Variants in CYP46A1 observed in about 807,000 individuals in gnomAD.
CYP46A1 encodes the protein cytochrome P450 family 46 subfamily A member 1.
CYP46A1 carries 20 observed loss-of-function variants against 63.3 expected under a neutral mutation model. That is an observed-to-expected ratio of 0.32 (90% confidence interval 0.22 to 0.46). The LOEUF (loss-of-function observed/expected upper bound fraction) is 0.46. Ranked by LOEUF, CYP46A1 falls within the 20% of genes least tolerant of loss-of-function variation. The probability of loss-of-function intolerance (pLI) is 1.00; values close to 1 mark genes in which losing one functional copy is unlikely to be tolerated. For synonymous variants in CYP46A1, 268 were observed against 273.6 expected (o/e 0.98, Z 0.20); for missense variants, 445 against 670.8 (o/e 0.66, Z 3.72).
At chr14:99,724,560 C>G (rs2056877727) in intron 12 of CYP46A1, among the ~76,000 whole-genome samples, 1 of 152,222 alleles carries the variant, frequency 6.6e-6, no homozygotes, top group South Asian at 2.1e-4. Flanking sequence ...GGCTCCAACC[C>G]CACCTCTGCT....
intron 5 of CYP46A1, among the ~76,000 whole-genome samples, chr14:99,701,824 C>T (rs1340569652): frequency 6.6e-6 from 1 of 152,174 alleles, no homozygotes; most frequent in African/African-American, 2.4e-5. Flanking sequence ...AATCCCAGCA[C>T]TTTGGGGGGC....
Position 99,721,331 on chromosome 14 carries a change from A to T in CYP46A1, c.1065+8A>T. On this transcript the variant is annotated splice_region_variant and intron_variant, in intron 11 of 14. Coordinates refer to ENST00000261835, the MANE Select transcript of CYP46A1 (RefSeq NM_006668.2). ...CTGCAGTACCTGTCCCAGGTGTGGG[A>T]AGTAGGAGGGAAGCTTCTGGGCGGA... The T allele has an allele frequency of 1.3e-6, 2 of 1,591,148 alleles. No homozygotes were observed. The highest frequency in any genetic ancestry group is 1.7e-6 in the Non-Finnish European group (2 of 1,159,094).
chr14:99,718,805 T>C (rs1421319644), intron 10 of CYP46A1, among the ~76,000 whole-genome samples: 3 of 152,160 alleles, frequency 2.0e-5, no homozygotes, highest in Admixed American at 1.3e-4. Context: ...AAAGATTGTG[T>C]GAAAATATAC....
chr14:99,718,235 C>T, intron 10 of CYP46A1, 109 bp downstream of exon 10: 2 of 895,118 alleles, frequency 2.2e-6, no homozygotes, highest in Non-Finnish European at 3.6e-6. Context: ...TGCCCTGCTT[C>T]CCCTGGGCCT....
At chr14:99,695,352 C>A in intron 3 of CYP46A1, 1 of 343,676 alleles carries the variant, frequency 2.9e-6, no homozygotes, top group Non-Finnish European at 5.8e-6. Context: ...TTCTAATTTT[C>A]TGTCTACTTG....
In CYP46A1 at chr14:99,706,784, A is replaced by G; in HGVS notation, c.581A>G (p.Lys194Arg). ...LTYTAMDILA[K>R]AAFGMETSML... ...TACACCGCCATGGACATCCTGGCCA[A>G]GGTGATGGGTGACAGTCGGGCATGG... The change falls in exon 6 of 15, where the codon AAG becomes AGG. Residue 194 changes from lysine (K) to arginine (R), a missense_variant and splice_region_variant. Coordinates refer to ENST00000261835, the MANE Select transcript of CYP46A1 (RefSeq NM_006668.2). The G allele has an allele frequency of 6.2e-7, 1 of 1,612,366 alleles. No individual in the cohort carries two copies. The highest frequency in any genetic ancestry group is 8.5e-7 in the Non-Finnish European group (1 of 1,179,558).
chr14:99,691,621 C>G, intron 2 of CYP46A1, 159 bp from the exon 3 acceptor site: 8 of 666,992 alleles, frequency 1.2e-5, no homozygotes, highest in African/African-American at 3.6e-5. Context: ...AGGGCAGAGC[C>G]TTGCCCCCAG....
chr14:99,724,987 C>T (rs954673419), intron 12 of CYP46A1, among the ~76,000 whole-genome samples: 2 of 152,164 alleles, frequency 1.3e-5, no homozygotes, highest in African/African-American at 2.4e-5. Flanking sequence ...TAACAGTTCT[C>T]GGGATCTAGA....
intron 5 of CYP46A1, among the ~76,000 whole-genome samples, chr14:99,703,158 T>A (rs2056646515): frequency 6.6e-6 from 1 of 152,212 alleles, no homozygotes; most frequent in Admixed American, 6.5e-5. Flanking sequence ...GGGCATTGTA[T>A]CAGGAGGCAC....
chr14:99,691,612 G>A, intron 2 of CYP46A1, 168 bp from the exon 3 acceptor site: 1 of 643,762 alleles, frequency 1.6e-6, no homozygotes, highest in Admixed American at 2.6e-5. Context: ...GTGAGCAACA[G>A]GGCAGAGCCT....
intron 7 of CYP46A1, chr14:99,710,955 T>G (rs746549826): frequency 3.9e-5 from 6 of 152,122 alleles, no homozygotes; most frequent in Non-Finnish European, 7.4e-5. Context: ...TCATATCAAG[T>G]ATCTTCTCAG....
chr14:99,714,285 G>A (rs550144939), intron 7 of CYP46A1, among the ~76,000 whole-genome samples: 1 of 152,186 alleles, frequency 6.6e-6, no homozygotes, highest in East Asian at 1.9e-4. Flanking sequence ...ATGTAAATTT[G>A]TATAGCCATT....
At chr14:99,701,974 G>A (rs536202832) in intron 5 of CYP46A1, among the ~76,000 whole-genome samples, 2 of 149,320 alleles carry the variant, frequency 1.3e-5, no homozygotes, top group South Asian at 4.4e-4. Context: ...GGAGGCTAAG[G>A]TAGGATAATC....
At position 99,684,368 on chromosome 14, in the gene CYP46A1, C is replaced by A. The variant is rs1433913699; in HGVS notation, c.-50C>A. ...CTGAGTCGGCTCGCGGCCTCCCGGC[C>A]CCCTCGGCGCCCGGCCCGACCCTGG... On this transcript the variant is annotated 5_prime_UTR_variant, in exon 1 of 15. Transcript: ENST00000261835. The A allele has an allele frequency of 1.0e-5, 12 of 1,176,378 alleles. No homozygotes were observed. The highest frequency in any genetic ancestry group is 1.3e-5 in the Non-Finnish European group (12 of 931,646). The allele number at this position is 1,176,378 out of a possible 1,614,324, so 72.9% of individuals were successfully genotyped here.
Position 99,726,900 on chromosome 14 carries a change from G to A in CYP46A1, c.*173G>A, listed in dbSNP as rs1013001099. 8.5e-5 allele frequency: 43 copies of A among 507,980 alleles called. No individual in the cohort carries two copies. The highest frequency in any genetic ancestry group is 5.2e-4 in the Middle Eastern group (1 of 1,926). The allele number at this position is 507,980 out of a possible 1,614,324, so 31.5% of individuals were successfully genotyped here. On this transcript the variant is annotated 3_prime_UTR_variant, in exon 15 of 15. Transcript: ENST00000261835. ...TTCACACCCCTCAGCGCTCCCTGTC[G>A]CCTGCGGACTCCATGGCCCTTCCTG...
chr14:99,707,927 G>T, intron 7 of CYP46A1: 1 of 467,426 alleles, frequency 2.1e-6, no homozygotes. Context: ...AGGCAATGTA[G>T]GATGACTATG....
At chr14:99,721,190 G>T (rs777364534) in intron 10 of CYP46A1, 49 bp from the exon 11 acceptor site, 2 of 1,413,922 alleles carry the variant, frequency 1.4e-6, no homozygotes, top group South Asian at 1.2e-5. Context: ...TAAGTAAGTC[G>T]GGGACAGGCT....
chr14:99,694,982 A>G (rs1026659004), intron 3 of CYP46A1, among the ~76,000 whole-genome samples: 1 of 151,944 alleles, frequency 6.6e-6, no homozygotes, highest in Non-Finnish European at 1.5e-5. Flanking sequence ...ACAAATTTTG[A>G]TATGTTTTAT....
intron 7 of CYP46A1, chr14:99,710,100 G>A (rs1349326414): frequency 6.6e-6 from 1 of 152,146 alleles, no homozygotes; most frequent in Non-Finnish European, 1.5e-5. Context: ...ATCTGGAAGT[G>A]AAAGGACAAT....
Sources: allele counts gnomAD v4.1 joint callset (sites outside exome capture counted in the v4.1 genomes callset), GRCh38; gene constraint gnomAD v4.1.1; transcripts MANE v1.5; gene names NCBI Gene and HGNC (gene_info 2026-07-23, HGNC 2026-07-21).